The following ZMYM1 variants were observed in gnomAD, a reference collection of about 807,000 sequenced individuals.
ZMYM1 encodes the protein zinc finger MYM-type protein 1.
In ZMYM1, 39 loss-of-function variants were observed where a neutral mutation model predicts 60.0. That is an observed-to-expected ratio of 0.65 (90% CI 0.50 to 0.85). The LOEUF (loss-of-function observed/expected upper bound fraction) is 0.85. ZMYM1 is among the 40% of genes least tolerant of loss of function. ZMYM1 has a pLI of 0.00. For missense variants in ZMYM1, 1,171 were observed against 1,309.5 expected (o/e 0.89, Z 1.63); for synonymous variants, 413 against 454.0 (o/e 0.91, Z 1.15).
intron 6 of ZMYM1, among the ~76,000 whole-genome samples, chr1:35,106,641 G>A (rs1273072800): frequency 2.1e-5 from 3 of 143,858 alleles, no homozygotes; most frequent in Non-Finnish European, 4.5e-5. Context: ...AGCAGTTGAA[G>A]ATGGGAGTCA....
intron 6 of ZMYM1, among the ~76,000 whole-genome samples, chr1:35,106,743 A>G (rs1330871992): frequency 6.6e-6 from 1 of 152,194 alleles, no homozygotes; most frequent in Non-Finnish European, 1.5e-5. Context: ...CCAGAACGGA[A>G]AGCACAGAAG....
rs751118156 is a variant in ZMYM1, at chr1:35,104,603, G to A, written c.641G>A (p.Ser214Asn). 1.7e-5 allele frequency: 28 copies of A among 1,614,018 alleles called. No individual in the cohort carries two copies. Among genetic ancestry groups the A allele is most frequent in the Non-Finnish European group, 2.4e-5 (28 of 1,180,040 alleles). ...CAAAATGTGAAACATAATCTTTGCA[G>A]TAATGCCTGCCTTTCAAAGTTTCAC... is the stretch of plus-strand genomic sequence containing the variant. ...KYQNVKHNLC[S>N]NACLSKFHSA... Residue 214 changes from serine (S) to asparagine (N), a missense_variant, in exon 6 of 10, where the codon AGT becomes AAT. Physicochemically the swap from Ser to Asn is conservative, Grantham distance 46. Coordinates refer to ENST00000359858, the MANE Select transcript of ZMYM1 (RefSeq NM_024772.5).
At chr1:35,111,626 C>T in intron 7 of ZMYM1, 146 bp from the exon 8 acceptor site, 2 of 591,362 alleles carry the variant, frequency 3.4e-6, no homozygotes, top group Non-Finnish European at 5.1e-6. Context: ...CTGGCTATTC[C>T]TAAGCCCTAA....
intron 1 of ZMYM1, among the ~76,000 whole-genome samples, chr1:35,069,101 T>G (rs917522656): frequency 1.3e-5 from 2 of 152,232 alleles, no homozygotes; most frequent in African/African-American, 4.8e-5. Context: ...CCCAAAGTGC[T>G]GGGATTACAG....
chr1:35,118,120 A>T (rs1638526335), downstream of ZMYM1, among the ~76,000 whole-genome samples: 1 of 151,956 alleles, frequency 6.6e-6, no homozygotes, highest in African/African-American at 2.4e-5. Context: ...GGGTGCCTGT[A>T]ATTCCAGCTA....
intron 1 of ZMYM1, among the ~76,000 whole-genome samples, chr1:35,080,988 G>C (rs955640828): frequency 6.6e-6 from 1 of 151,656 alleles, no homozygotes; most frequent in African/African-American, 2.4e-5. Context: ...TTGTCTCCCA[G>C]ACTGGAGTGC....
intron 4 of ZMYM1, among the ~76,000 whole-genome samples, chr1:35,099,888 T>A (rs1643548403): frequency 6.6e-6 from 1 of 151,994 alleles, no homozygotes; most frequent in South Asian, 2.1e-4. Context: ...TTTGTTTGTT[T>A]TGTTTTGTTT....
Position 35,113,655 on chromosome 1 carries a change from G to A in ZMYM1, c.1825G>A (p.Val609Ile), listed in dbSNP as rs747157537. ...AACATTTCGACTTATGAATTCACAA[G>A]TTGACTTCTATAACAGTACACAAAT... ...EETFRLMNSQ[V>I]DFYNSTQIQS... The change falls in exon 10 of 10, where the codon GTT becomes ATT. Residue 609 changes from valine to isoleucine, a missense_variant. Coordinates refer to ENST00000359858, the MANE Select transcript of ZMYM1 (RefSeq NM_024772.5). 8.1e-6 allele frequency: 13 copies of A among 1,612,520 alleles called. No individual in the cohort carries two copies. The South Asian group carries it at 1.4e-4, about 18-fold the overall frequency.
At chr1:35,082,965 G>T (rs542585818) in intron 1 of ZMYM1, among the ~76,000 whole-genome samples, 54 of 151,880 alleles carry the variant, frequency 3.6e-4, no homozygotes, top group Middle Eastern at 3.4e-3. Flanking sequence ...TGGGCAGCAA[G>T]AGTAAAACTC....
rs1157082689 is a variant in ZMYM1, at chr1:35,088,047, G to GA, written c.-74-5866dup. Among the ~76,000 whole-genome samples, 9 of 152,028 alleles carry GA rather than the reference G, an allele frequency of 5.9e-5. No homozygotes were observed. The South Asian group carries it at 1.3e-3, about 21-fold the overall frequency. On this transcript the variant is annotated intron_variant, in intron 1 of 9. Coordinates refer to ENST00000359858, the MANE Select transcript of ZMYM1 (RefSeq NM_024772.5). ...TGCACTCCAGCCTGGGTGACAGAGA[G>GA]AGATTCCATCTCAAGAAAAAAAAAT...
At chr1:35,094,119 C>G in intron 2 of ZMYM1, 36 bp downstream of exon 2, 1 of 1,542,006 alleles carries the variant, frequency 6.5e-7, no homozygotes, top group Non-Finnish European at 8.8e-7. Context: ...ATTTCTAGAG[C>G]AGCATTTAAC....
intron 4 of ZMYM1, among the ~76,000 whole-genome samples, chr1:35,101,508 G>T (rs538401072): frequency 6.7e-6 from 1 of 149,484 alleles, no homozygotes; most frequent in African/African-American, 2.5e-5. Context: ...ACTTCCATGC[G>T]TCGCTGATGT....
At position 35,104,665 on chromosome 1, in the gene ZMYM1, T is replaced by C. The variant is rs369128478; in HGVS notation, c.703T>C (p.Cys235Arg). 1.9e-6 allele frequency: 3 copies of C among 1,614,198 alleles called. No individual in the cohort carries two copies. Among genetic ancestry groups the C allele is most frequent in the Non-Finnish European group, 1.7e-6 (2 of 1,180,026 alleles). The change falls in exon 6 of 10, where the codon TGT (cysteine) becomes CGT (arginine). Residue 235 changes from cysteine to arginine, a missense_variant. By Grantham distance (180) the Cys-to-Arg change is radical. Transcript: ENST00000359858. ...NNFIMNCCEN[C>R]GTYCYTSSSL... ...CTTCATCATGAACTGCTGTGAGAAC[T>C]GTGGCACTTACTGTTACACCAGCTC...
Position 35,114,890 on chromosome 1 carries a change from T to G in ZMYM1, c.3060T>G (p.Asp1020Glu). The change falls in exon 10 of 10, where the codon GAT (aspartate) becomes GAG (glutamate). Residue 1020 changes from aspartate to glutamate, a missense_variant. Transcript: ENST00000359858. ...AKHVQEFYKL[D>E]EDIIPELRFY... The stretch of plus-strand genomic sequence containing the variant: ...ATGTTCAGGAATTTTATAAACTTGA[T>G]GAGGACATTATCCCAGAACTTAGAT... The G allele has an allele frequency of 6.2e-7, 1 of 1,609,358 alleles. No individual in the cohort carries two copies. The highest frequency in any genetic ancestry group is 8.5e-7 in the Non-Finnish European group (1 of 1,176,706).
At chr1:35,081,511 A>G (rs1349377258) in intron 1 of ZMYM1, among the ~76,000 whole-genome samples, 1 of 152,118 alleles carries the variant, frequency 6.6e-6, no homozygotes, top group Non-Finnish European at 1.5e-5. Context: ...AAAAATTAAT[A>G]TTGACTCTTT....
chr1:35,072,806 G>A (rs1360164034), intron 1 of ZMYM1, among the ~76,000 whole-genome samples: 1 of 152,124 alleles, frequency 6.6e-6, no homozygotes, highest in African/African-American at 2.4e-5. Flanking sequence ...AAAAGGCTGG[G>A]AGCAGTGGCT....
upstream of ZMYM1, among the ~76,000 whole-genome samples, chr1:35,075,804 A>T (rs1409730243): frequency 6.6e-6 from 1 of 152,182 alleles, no homozygotes; most frequent in Non-Finnish European, 1.5e-5. Flanking sequence ...TCCATCATCT[A>T]CTAAAGGCAG....
chr1:35,112,007 G>A, intron 8 of ZMYM1, 80 bp from the exon 9 acceptor site: 2 of 1,547,624 alleles, frequency 1.3e-6, no homozygotes, highest in South Asian at 1.2e-5. Flanking sequence ...TTTCTTATAT[G>A]AAATAAGCAA....
At position 35,104,635 on chromosome 1, in the gene ZMYM1, A is replaced by G; in HGVS notation, c.673A>G (p.Asn225Asp). ...CTGCCTTTCAAAGTTTCACTCTGCTAACAACTTCATCATGAACTGCTGTGA... is the reference window on the plus strand; with the variant it reads ...CTGCCTTTCAAAGTTTCACTCTGCTGACAACTTCATCATGAACTGCTGTGA... ...NACLSKFHSA[N>D]NFIMNCCENC... The change falls in exon 6 of 10, where the codon AAC (asparagine) becomes GAC (aspartate). Residue 225 changes from asparagine to aspartate, a missense_variant. Coordinates refer to ENST00000359858, the MANE Select transcript of ZMYM1 (RefSeq NM_024772.5). 1.9e-6 allele frequency: 3 copies of G among 1,614,190 alleles called. No homozygotes were observed. The highest frequency in any genetic ancestry group is 2.5e-6 in the Non-Finnish European group (3 of 1,180,034).
Sources: allele counts gnomAD v4.1 joint callset (sites outside exome capture counted in the v4.1 genomes callset), GRCh38; gene constraint gnomAD v4.1.1; transcripts MANE v1.5; gene names NCBI Gene and HGNC (gene_info 2026-07-23, HGNC 2026-07-21).